ENPEP: variants seen among roughly 807,000 people sequenced by gnomAD.
ENPEP encodes AP-A.
ENPEP carries 103 observed loss-of-function variants against 114.5 expected under a neutral mutation model. That is an observed-to-expected ratio of 0.90 (90% confidence interval 0.77 to 1.06). The LOEUF (loss-of-function observed/expected upper bound fraction) is 1.06, where lower values mean the gene tolerates loss of function less well. Among genes scored for constraint, ENPEP ranks in the 50% least tolerant of loss-of-function variants. The probability of loss-of-function intolerance (pLI) is 0.00; values close to 1 mark genes in which losing one functional copy is unlikely to be tolerated. For missense variants in ENPEP, 1,196 were observed against 1,161.3 expected, an observed-to-expected ratio of 1.03 and a Z score of -0.43; for synonymous variants, 420 against 422.0, an observed-to-expected ratio of 1.00 and a Z score of 0.06.
chr4:110,554,517 A>G (rs560124444), intron 18 of ENPEP, among the ~76,000 whole-genome samples: 15 of 151,930 alleles, frequency 9.9e-5, no homozygotes, highest in African/African-American at 2.4e-4. Context: ...ACCCATCTCT[A>G]TGAAGATTGG....
At chr4:110,537,471 A>G (rs1289448771) in intron 11 of ENPEP, among the ~76,000 whole-genome samples, 1 of 152,204 alleles carries the variant, frequency 6.6e-6, no homozygotes, top group Non-Finnish European at 1.5e-5. Flanking sequence ...GATAGCAACA[A>G]TTCAGATACA....
chr4:110,546,176 C>A (rs1578416993), intron 13 of ENPEP, among the ~76,000 whole-genome samples: 1 of 151,978 alleles, frequency 6.6e-6, no homozygotes, highest in Non-Finnish European at 1.5e-5. Flanking sequence ...TGGTGGTGGG[C>A]TATCAGCAAA....
chr4:110,510,284 T>G lies in ENPEP; in HGVS notation c.1234T>G (p.Leu412Val), dbSNP rs745325292. The G allele has an allele frequency of 1.9e-6, 3 of 1,614,044 alleles. No homozygotes were observed. The highest frequency in any genetic ancestry group is 1.3e-5 in the African/African-American group (1 of 74,912). Residue 412 changes from leucine to valine, a missense_variant, in exon 6 of 20, where the codon TTG (leucine) becomes GTG (valine). By Grantham distance (32) the Leu-to-Val change is conservative (BLOSUM62 1). Transcript: ENST00000265162. ...TGTGACCATGGACTGGTGGGAAGAC[T>G]TGTGGCTAAATGAAGGATTTGCTTC... ...NIVTMDWWED[L>V]WLNEGFASFF...
At chr4:110,496,406 A>T (rs1026549657) in intron 3 of ENPEP, among the ~76,000 whole-genome samples, 1 of 152,226 alleles carries the variant, frequency 6.6e-6, no homozygotes, top group Non-Finnish European at 1.5e-5. Flanking sequence ...AAGACACAAG[A>T]GTCTCCATGT....
intron 3 of ENPEP, among the ~76,000 whole-genome samples, chr4:110,495,380 C>G (rs1398600200): frequency 6.6e-6 from 1 of 152,168 alleles, no homozygotes; most frequent in African/African-American, 2.4e-5. Flanking sequence ...TCCCAGAATG[C>G]TTTCGCTCTG....
At chr4:110,560,367 T>C (rs1337924872) in intron 19 of ENPEP, among the ~76,000 whole-genome samples, 2 of 152,220 alleles carry the variant, frequency 1.3e-5, no homozygotes, top group African/African-American at 4.8e-5. Flanking sequence ...TCAATTCAAA[T>C]CACAGAAGAC....
At chr4:110,510,470 G>A (rs757081773) in intron 6 of ENPEP, 112 bp downstream of exon 6, 89 of 882,182 alleles carry the variant, frequency 1.0e-4, no homozygotes, top group Middle Eastern at 2.2e-4. Flanking sequence ...AGTGGTGAGC[G>A]GGGAATTCCA....
rs1236410857 is a variant in ENPEP, at chr4:110,548,456, G to A, written c.2151+130G>A. The A allele has an allele frequency of 6.1e-6, 4 of 660,496 alleles. No individual in the cohort carries two copies. In the African/African-American group the frequency reaches 7.5e-5, roughly 12 times the overall value. 40.9% of individuals were successfully genotyped at this position (660,496 alleles called of 1,614,324 possible). A position where few individuals can be genotyped will look rare whatever the true frequency, so the allele number is the denominator to read the frequency against. On this transcript the variant is annotated intron_variant, in intron 14 of 19. Transcript: ENST00000265162. ...TTGCCAGGTGGAATCAAAAGAAAGTGCAATGACTTGACTAATCAAAGCAAA... is the reference window on the plus strand; with the variant it reads ...TTGCCAGGTGGAATCAAAAGAAAGTACAATGACTTGACTAATCAAAGCAAA...
In ENPEP at chr4:110,491,047, G is replaced by A; in HGVS notation, c.801G>A (p.Val267=). 6.2e-7 allele frequency: 1 copy of A among 1,610,034 alleles called. No individual in the cohort carries two copies. The highest frequency in any genetic ancestry group is 1.1e-5 in the South Asian group (1 of 89,804). ...SNMPVAKEES[V]DDKWTRTTFE... is the part of the protein sequence containing the mutation. ...CTTTTCAATAGAAAGAAGAGTCAGT[G>A]GATGATAAATGGACTCGAACAACTT... Residue 267 remains valine, a synonymous_variant, in exon 3 of 20, where the codon GTG becomes GTA. Transcript: ENST00000265162.
intron 11 of ENPEP, among the ~76,000 whole-genome samples, chr4:110,532,102 A>G (rs1346788953): frequency 1.3e-5 from 2 of 152,174 alleles, no homozygotes; most frequent in Non-Finnish European, 1.5e-5. Flanking sequence ...CTCTGTTTCC[A>G]GTAGATTGCC....
chr4:110,561,658 C>A lies in ENPEP; in HGVS notation c.*100C>A. ...AGCACGATGGAGAGAGCCTTATAAA[C>A]AGATAATGCTTTTACTAAGCACTGT... On this transcript the variant is annotated 3_prime_UTR_variant, in exon 20 of 20. Coordinates refer to ENST00000265162, the MANE Select transcript of ENPEP (RefSeq NM_001977.4). 8.9e-7 allele frequency: 1 copy of A among 1,127,478 alleles called. No homozygotes were observed. Among genetic ancestry groups the A allele is most frequent in the Non-Finnish European group, 1.3e-6 (1 of 797,498 alleles). 69.8% of individuals were successfully genotyped at this position (1,127,478 alleles called of 1,614,324 possible). A position where few individuals can be genotyped will look rare whatever the true frequency, so the allele number is the denominator to read the frequency against.
chr4:110,529,286 G>A (rs1427320553), intron 10 of ENPEP, among the ~76,000 whole-genome samples: 2 of 152,214 alleles, frequency 1.3e-5, no homozygotes, highest in African/African-American at 4.8e-5. Flanking sequence ...CAATTCAGCA[G>A]ACCAGTGCAA....
At chr4:110,483,611 T>C (rs1480154364) in intron 1 of ENPEP, among the ~76,000 whole-genome samples, 1 of 152,158 alleles carries the variant, frequency 6.6e-6, no homozygotes, top group East Asian at 1.9e-4. Context: ...AACGACTAAA[T>C]TGCATAGACT....
chr4:110,484,775 T>C (rs1487657964), intron 1 of ENPEP, among the ~76,000 whole-genome samples: 2 of 147,308 alleles, frequency 1.4e-5, no homozygotes, highest in Non-Finnish European at 3.0e-5. Flanking sequence ...TTATATTATA[T>C]ATATATATAT....
Position 110,562,149 on chromosome 4 carries a change from A to G in ENPEP, c.*591A>G, listed in dbSNP as rs1430061937. On this transcript the variant is annotated 3_prime_UTR_variant, in exon 20 of 20. Coordinates refer to ENST00000265162, the MANE Select transcript of ENPEP (RefSeq NM_001977.4). ...ATGGCTGACTGTTGCCTTTGCTCTTATAAAATCAATAAGAGAACTCTCCTC... is the reference window on the plus strand; with the variant it reads ...ATGGCTGACTGTTGCCTTTGCTCTTGTAAAATCAATAAGAGAACTCTCCTC... 1.3e-5 allele frequency: 2 copies of G among 152,204 alleles called. No homozygotes were observed. The allele number at this position is 152,204 out of a possible 1,614,324, so 9.4% of individuals were successfully genotyped here.
chr4:110,514,291 C>A (rs1209841364), intron 7 of ENPEP, among the ~76,000 whole-genome samples: 1 of 151,934 alleles, frequency 6.6e-6, no homozygotes, highest in African/African-American at 2.4e-5. Flanking sequence ...TACCTAAAGT[C>A]TTATTTGAGT....
intron 3 of ENPEP, among the ~76,000 whole-genome samples, chr4:110,503,499 A>T (rs1725241719): frequency 6.6e-6 from 1 of 152,148 alleles, no homozygotes. Flanking sequence ...TCTCAATGGA[A>T]TCTCAATGAT....
At chr4:110,519,794 A>C (rs1017977704) in intron 8 of ENPEP, among the ~76,000 whole-genome samples, 1 of 152,194 alleles carries the variant, frequency 6.6e-6, no homozygotes, top group Admixed American at 6.5e-5. Flanking sequence ...AAATAGTTGA[A>C]AAAAATCAAA....
At chr4:110,559,559 A>C (rs1269813201) in intron 18 of ENPEP, 88 bp from the exon 19 acceptor site, 1 of 941,754 alleles carries the variant, frequency 1.1e-6, no homozygotes, top group Non-Finnish European at 1.7e-6. Context: ...TTTAAAAACT[A>C]TGAAATAAAA....
Sources: allele counts gnomAD v4.1 joint callset (sites outside exome capture counted in the v4.1 genomes callset), GRCh38; gene constraint gnomAD v4.1.1; transcripts MANE v1.5; gene names NCBI Gene and HGNC (gene_info 2026-07-23, HGNC 2026-07-21).